MEF2D: variants seen among roughly 807,000 people sequenced by gnomAD.
The protein encoded by MEF2D is myocyte enhancer factor 2D, also known as myocyte-specific enhancer factor 2D.
In MEF2D, 10 loss-of-function variants were observed where a neutral mutation model predicts 59.3. The observed-to-expected ratio is 0.17, with a 90% CI of 0.10 to 0.29. The LOEUF (loss-of-function observed/expected upper bound fraction) is 0.29, where lower values mean the gene tolerates loss of function less well. Among genes scored for constraint, MEF2D ranks in the 10% least tolerant of loss-of-function variants. The probability of loss-of-function intolerance (pLI) is 1.00; values close to 1 mark genes in which losing one functional copy is unlikely to be tolerated. For synonymous variants in MEF2D, 305 were observed against 295.0 expected (o/e 1.03, Z -0.35); for missense variants, 508 against 699.4 (o/e 0.73, Z 3.09).
chr1:156,490,279 C>T (rs1444794849), intron 1 of MEF2D, among the ~76,000 whole-genome samples: 2 of 152,062 alleles, frequency 1.3e-5, no homozygotes, highest in Non-Finnish European at 2.9e-5. Flanking sequence ...TCTCTGTCCC[C>T]GCCCCCTCCC....
At chr1:156,484,607 T>C (rs1198252198) in intron 1 of MEF2D, among the ~76,000 whole-genome samples, 1 of 152,134 alleles carries the variant, frequency 6.6e-6, no homozygotes, top group East Asian at 1.9e-4. Flanking sequence ...TGACATACAC[T>C]GGGGAGGCCA....
At position 156,500,548 on chromosome 1, in the gene MEF2D, G is replaced by C. The variant is rs1264015385; in HGVS notation, c.-201C>G. ...GCGGGTAGCCCTCGCCCCTGGTCCG[G>C]GGGATCTTCAACACCGGGAAGCCGC... is the stretch of plus-strand genomic sequence containing the variant. On this transcript the variant is annotated 5_prime_UTR_variant, in exon 1 of 12. Transcript: ENST00000348159. 6.6e-6 allele frequency: 1 copy of C among 152,236 alleles called. No homozygotes were observed. The highest frequency in any genetic ancestry group is 2.1e-4 in the South Asian group (1 of 4,834). 9.4% of individuals were successfully genotyped at this position (152,236 alleles called of 1,614,324 possible).
Position 156,468,429 on chromosome 1 carries a change from G to T in MEF2D, c.1248-130C>A. 1 of 684,442 alleles carries T rather than the reference G, an allele frequency of 1.5e-6. No individual in the cohort carries two copies. Among genetic ancestry groups the T allele is most frequent in the Non-Finnish European group, 2.4e-6 (1 of 414,864 alleles). 42.4% of individuals were successfully genotyped at this position (684,442 alleles called of 1,614,324 possible). On this transcript the variant is annotated intron_variant, in intron 10 of 11. Coordinates refer to ENST00000348159, the MANE Select transcript of MEF2D (RefSeq NM_005920.4). The surrounding 1 kb of genome is among the most constrained non-coding windows in gnomAD (Gnocchi z 4.3). ...ATGAGAATATGGGGGATGGGGTGTT[G>T]GGGAGAGGCAATTGGATGGAGAGTG... is the stretch of plus-strand genomic sequence containing the variant.
intron 5 of MEF2D, 33 bp from the exon 6 acceptor site, chr1:156,479,379 A>C: frequency 1.2e-6 from 2 of 1,605,566 alleles, no homozygotes; most frequent in Non-Finnish European, 1.7e-6. Context: ...ATGAGCTGAC[A>C]ACACTCCCGC....
At chr1:156,490,686 A>T (rs1277047447) in intron 1 of MEF2D, 2 of 152,268 alleles carry the variant, frequency 1.3e-5, no homozygotes, top group Non-Finnish European at 2.9e-5. Flanking sequence ...AGCACACGGT[A>T]TGGAGAGCAG....
At chr1:156,500,331 A>G (rs987718319) in intron 1 of MEF2D, among the ~76,000 whole-genome samples, 155 bp downstream of exon 1, 1 of 152,188 alleles carries the variant, frequency 6.6e-6, no homozygotes, top group African/African-American at 2.4e-5. Flanking sequence ...ACGCCACACG[A>G]AAACACGGCC....
intron 1 of MEF2D, among the ~76,000 whole-genome samples, chr1:156,490,101 G>A (rs1672687846): frequency 6.6e-6 from 1 of 152,130 alleles, no homozygotes; most frequent in African/African-American, 2.4e-5. Context: ...AGAAGTGGGG[G>A]GCATTACCCC....
intron 9 of MEF2D, among the ~76,000 whole-genome samples, chr1:156,470,429 AAAAG>A (rs887728414): frequency 9.9e-5 from 15 of 151,560 alleles, no homozygotes; most frequent in Admixed American, 2.0e-4. Flanking sequence ...AAAAAAAAAA[AAAAG>A]AAAGAAAGAA....
rs140820360 is a variant in MEF2D at position 156,497,212 on chromosome 1, T to G, written c.-139+3274A>C. On this transcript the variant is annotated intron_variant, in intron 1 of 11. Coordinates refer to ENST00000348159, the MANE Select transcript of MEF2D (RefSeq NM_005920.4). ...CTTCTAGTACCTAACCGCCCCTCCC[T>G]CCATGAGTAAGTCACCAAACTGGGA... is the stretch of plus-strand genomic sequence containing the variant. 3.4e-3 allele frequency among the ~76,000 whole-genome samples: 521 copies of G among 152,286 alleles called. 3 individuals carry two copies. Among genetic ancestry groups the G allele is most frequent in the African/African-American group, 0.012 (506 of 41,550 alleles).
intron 9 of MEF2D, among the ~76,000 whole-genome samples, 171 bp from the exon 10 acceptor site, chr1:156,469,191 T>C (rs2101987875): frequency 6.6e-6 from 1 of 152,328 alleles, no homozygotes; most frequent in Middle Eastern, 3.4e-3. Flanking sequence ...TACTCAGAGT[T>C]AAAGAAACCT....
chr1:156,469,044 G>T, intron 9 of MEF2D, 24 bp from the exon 10 acceptor site: 1 of 1,575,122 alleles, frequency 6.3e-7, no homozygotes, highest in Middle Eastern at 1.7e-4. Context: ...AAGTGAGGAT[G>T]AACCTGGAGT....
chr1:156,479,941 C>G lies in MEF2D; in HGVS notation c.397-145G>C, dbSNP rs986300590. 2.2e-5 allele frequency: 16 copies of G among 741,362 alleles called. No individual in the cohort carries two copies. In the South Asian group the frequency reaches 2.9e-4, roughly 14 times the overall value. The allele number at this position is 741,362 out of a possible 1,614,324, so 45.9% of individuals were successfully genotyped here. On this transcript the variant is annotated intron_variant, in intron 4 of 11. Coordinates refer to ENST00000348159, the MANE Select transcript of MEF2D (RefSeq NM_005920.4). ...CAGTTCAAGCTCCCTGCCCTGTGCC[C>G]TTGTGGAGTCCTGCCTGCCAGTCCC...
chr1:156,469,705 T>C (rs562012563), intron 9 of MEF2D, among the ~76,000 whole-genome samples: 4 of 150,628 alleles, frequency 2.7e-5, no homozygotes, highest in Non-Finnish European at 4.4e-5. Flanking sequence ...CTGGGCAACA[T>C]AAGGAGACTC....
chr1:156,494,894 G>T (rs1016857446), intron 1 of MEF2D, among the ~76,000 whole-genome samples: 2 of 152,170 alleles, frequency 1.3e-5, no homozygotes, highest in African/African-American at 4.8e-5. Context: ...CTCCACCGGG[G>T]AGTTCTAGCA....
rs761423634 is a variant in MEF2D, at chr1:156,468,125, G to A, written c.1422C>T (p.Ala474=). 1.3e-5 allele frequency: 21 copies of A among 1,613,908 alleles called. No individual in the cohort carries two copies. Among genetic ancestry groups the A allele is most frequent in the Admixed American group, 1.7e-5 (1 of 59,996 alleles). Residue 474 remains alanine (A), a synonymous_variant, in exon 11 of 12, where the codon GCC becomes GCT. Transcript: ENST00000348159. The surrounding 1 kb of genome is among the most constrained non-coding windows in gnomAD (Gnocchi z 4.3). Reference sequence around the variant, plus strand: ...GGTCTCCCGTCTCATAGGATCCCCCGGCTGGGCTGCTGAGACCATCGCCAG... The same window carrying A: ...GGTCTCCCGTCTCATAGGATCCCCCAGCTGGGCTGCTGAGACCATCGCCAG... ...PEPGDGLSSP[A]GGSYETGDRD... is the part of the protein sequence containing the mutation.
rs1397430248 is a variant in MEF2D, at chr1:156,485,543, T to C, written c.-138-2113A>G. Among the ~76,000 whole-genome samples the C allele has an allele frequency of 1.6e-4, 20 of 128,268 alleles. No individual in the cohort carries two copies. In the East Asian group the frequency reaches 4.5e-3, roughly 29 times the overall value. 84.1% of individuals were successfully genotyped at this position (128,268 alleles called of 152,430 possible). On this transcript the variant is annotated intron_variant, in intron 1 of 11. Transcript: ENST00000348159. ...TCTTCTTTTTTTTTTTTTTTTTTGG[T>C]GGTGGTTGTTGTTTTTTAAGATAGG... is the stretch of plus-strand genomic sequence containing the variant.
intron 1 of MEF2D, among the ~76,000 whole-genome samples, chr1:156,491,384 C>T (rs911670361): frequency 1.1e-4 from 16 of 152,168 alleles, no homozygotes; most frequent in African/African-American, 3.1e-4. Context: ...GTGTAAGTCA[C>T]GGAGAGGAAC....
At chr1:156,471,662 C>T (rs528449691) in intron 9 of MEF2D, among the ~76,000 whole-genome samples, 12 of 152,364 alleles carry the variant, frequency 7.9e-5, no homozygotes, top group Admixed American at 7.2e-4. Context: ...ACAGCCAGGC[C>T]TCTGCGGCCA....
chr1:156,491,691 T>C (rs1225151186), intron 1 of MEF2D, among the ~76,000 whole-genome samples: 1 of 152,226 alleles, frequency 6.6e-6, no homozygotes, highest in African/African-American at 2.4e-5. Flanking sequence ...GGTCACTGTT[T>C]GGTCCCTGGT....
Sources: gnomAD v4.1 joint callset for allele counts (sites outside exome capture counted in the v4.1 genomes callset) on GRCh38, gnomAD v4.1.1 for gene constraint, Gnocchi (gnomAD v3.1) non-coding constraint, MANE v1.5 for transcripts, NCBI Gene and HGNC (gene_info 2026-07-23, HGNC 2026-07-21) for gene names.